Variants in TARBP1 observed in about 807,000 individuals in gnomAD.
TARBP1 encodes tRNA guanosine 2 -O-methyltransferase TARBP1.
In TARBP1, 144 loss-of-function variants were observed where a neutral mutation model predicts 178.6. The ratio of observed to expected loss-of-function variants is 0.81; its 90% CI spans 0.70 to 0.93. TARBP1 has a LOEUF of 0.93. TARBP1 is among the 40% of genes least tolerant of loss of function. The probability of loss-of-function intolerance (pLI) is 0.00; values close to 1 mark genes in which losing one functional copy is unlikely to be tolerated. For synonymous variants in TARBP1, 787 were observed against 781.0 expected (o/e 1.01, Z -0.13); for missense variants, 2,067 against 2,011.7 (o/e 1.03, Z -0.53).
intron 2 of TARBP1, 87 bp downstream of exon 2, chr1:234,472,627 G>T: frequency 1.2e-6 from 1 of 843,954 alleles, no homozygotes; most frequent in Non-Finnish European, 1.8e-6. Flanking sequence ...ATCTGAGTTA[G>T]TCTCTTTGTA....
At chr1:234,427,923 G>C (rs1204466266) in intron 17 of TARBP1, among the ~76,000 whole-genome samples, 157 bp from the exon 18 acceptor site, 1 of 152,192 alleles carries the variant, frequency 6.6e-6, no homozygotes, top group African/African-American at 2.4e-5. Context: ...TCAATAATCA[G>C]AGAATGCTAT....
At chr1:234,396,820 A>G (rs1464184204) in intron 26 of TARBP1, among the ~76,000 whole-genome samples, 2 of 152,050 alleles carry the variant, frequency 1.3e-5, no homozygotes, top group South Asian at 2.1e-4. Context: ...AATTTTCAAC[A>G]AGTCACATGT....
chr1:234,468,218 C>T (rs966591532), intron 3 of TARBP1, among the ~76,000 whole-genome samples: 2 of 151,802 alleles, frequency 1.3e-5, no homozygotes, highest in African/African-American at 2.4e-5. Flanking sequence ...TTTGGGAGGC[C>T]GAGGCAGATG....
chr1:234,412,359 T>G (rs113954135), intron 22 of TARBP1, among the ~76,000 whole-genome samples: 1 of 147,050 alleles, frequency 6.8e-6, no homozygotes, highest in Admixed American at 6.8e-5. Context: ...GAGATGGAGG[T>G]TGCAGTGAGC....
At position 234,478,502 on chromosome 1, in the gene TARBP1, T is replaced by G. The variant is rs868701202; in HGVS notation, c.602A>C (p.Gln201Pro). The change falls in exon 1 of 30, where the codon CAA becomes CCA. Residue 201 changes from glutamine (Q) to proline (P), a missense_variant. By Grantham distance (76) the Gln-to-Pro change is moderately conservative. Coordinates refer to ENST00000040877, the MANE Select transcript of TARBP1 (RefSeq NM_005646.4). The part of the protein sequence containing the change: ...VAGRLLPVLV[Q>P]CGGAALRAVW... The stretch of plus-strand genomic sequence containing the variant: ...GGCCCGCAGCGCCGCCCCGCCACAT[T>G]GGACCAGCACTGGCAGCAGTCGCCC... The G allele has an allele frequency of 7.2e-7, 1 of 1,393,766 alleles. No individual in the cohort carries two copies. Among genetic ancestry groups the G allele is most frequent in the East Asian group, 3.4e-5 (1 of 29,792 alleles). 86.3% of individuals were successfully genotyped at this position (1,393,766 alleles called of 1,614,324 possible).
At chr1:234,398,318 C>T (rs1660344098) in intron 26 of TARBP1, 64 bp downstream of exon 26, 7 of 1,425,356 alleles carry the variant, frequency 4.9e-6, no homozygotes, top group Non-Finnish European at 6.6e-6. Flanking sequence ...TCCTTAGTAA[C>T]TTAAATCAAA....
At chr1:234,445,777 G>A (rs1257769414) in intron 12 of TARBP1, among the ~76,000 whole-genome samples, 1 of 152,144 alleles carries the variant, frequency 6.6e-6, no homozygotes, top group Non-Finnish European at 1.5e-5. Context: ...TGAGCACACA[G>A]GTGTTTAATT....
intron 6 of TARBP1, among the ~76,000 whole-genome samples, chr1:234,460,705 G>A (rs1213527730): frequency 6.6e-6 from 1 of 152,160 alleles, no homozygotes; most frequent in South Asian, 2.1e-4. Context: ...ATATATCCAA[G>A]AGAATCAAAG....
At chr1:234,460,662 G>A (rs139037671) in intron 6 of TARBP1, among the ~76,000 whole-genome samples, 64 of 152,238 alleles carry the variant, frequency 4.2e-4, no homozygotes, top group African/African-American at 1.3e-3. Flanking sequence ...AAACTTAGAC[G>A]GACCACATGA....
intron 1 of TARBP1, among the ~76,000 whole-genome samples, chr1:234,473,187 C>G (rs1396510156): frequency 4.6e-5 from 7 of 152,156 alleles, no homozygotes; most frequent in Non-Finnish European, 1.0e-4. Flanking sequence ...CAAGTTGACT[C>G]AAGTCATGAG....
At chr1:234,419,347 T>C (rs1391514753) in intron 21 of TARBP1, among the ~76,000 whole-genome samples, 1 of 152,206 alleles carries the variant, frequency 6.6e-6, no homozygotes, top group African/African-American at 2.4e-5. Context: ...ATACATTTTG[T>C]AGTTAGGCTT....
At position 234,446,917 on chromosome 1, in the gene TARBP1, G is replaced by A. The variant is rs1233882654; in HGVS notation, c.2020C>T (p.Leu674Phe). 1 of 1,613,936 alleles carries A rather than the reference G, an allele frequency of 6.2e-7. No individual in the cohort carries two copies. ...RIFLDPLLDV[L>F]MKFSTNAYMP... ...TAGGCATTGGTACTAAACTTCATAA[G>A]CACATCCAGAAGAGGGTCTAAGAAT... The change falls in exon 12 of 30, where the codon CTT becomes TTT. Residue 674 changes from leucine (L) to phenylalanine (F), a missense_variant. Transcript: ENST00000040877.
chr1:234,458,020 AC>A (rs1244212243), intron 8 of TARBP1, among the ~76,000 whole-genome samples: 1 of 150,392 alleles, frequency 6.6e-6, no homozygotes, highest in African/African-American at 2.4e-5. Flanking sequence ...AAAAAAAAAA[AC>A]ACCATTCTAT....
Position 234,476,034 on chromosome 1 carries a change from A to G in TARBP1, c.931+2139T>C, listed in dbSNP as rs1242334370. Among the ~76,000 whole-genome samples the G allele has an allele frequency of 2.0e-5, 3 of 148,098 alleles. No homozygotes were observed. The East Asian group carries it at 6.7e-4, about 33-fold the overall frequency. ...GTTATTATAGTAAGACATAAAAAAA[A>G]GCGACTCCATAGCCAAACACTACAA... On this transcript the variant is annotated intron_variant, in intron 1 of 29. Transcript: ENST00000040877.
At position 234,392,815 on chromosome 1, in the gene TARBP1, A is replaced by G. The variant is rs375070168; in HGVS notation, c.4561-263T>C. The G allele has an allele frequency of 3.3e-4, 66 of 199,290 alleles. No individual in the cohort carries two copies. In the East Asian group the frequency reaches 6.2e-3, roughly 19 times the overall value. 12.3% of individuals were successfully genotyped at this position (199,290 alleles called of 1,614,324 possible). On this transcript the variant is annotated intron_variant, in intron 28 of 29. Transcript: ENST00000040877. ...AAGCTCCGCCTCCCGGGTTCACGCC[A>G]TTCTCCTGCCTCAGCATCCCAAGTA...
chr1:234,451,487 C>A lies in TARBP1; in HGVS notation c.1723-921G>T, dbSNP rs1461602460. Among the ~76,000 whole-genome samples, 8 of 34,414 alleles carry A rather than the reference C, an allele frequency of 2.3e-4. 2 individuals are homozygous for A. Among genetic ancestry groups the A allele is most frequent in the African/African-American group, 9.1e-4 (3 of 3,310 alleles). The allele number at this position is 34,414 out of a possible 152,430, so 22.6% of individuals were successfully genotyped here. A position where few individuals can be genotyped will look rare whatever the true frequency, so the allele number is the denominator to read the frequency against. On this transcript the variant is annotated intron_variant, in intron 9 of 29. Transcript: ENST00000040877. Reference sequence around the variant, plus strand: ...AATGGGCCGGGCGCGGTGGCTCACGCCTGTAATCCCAGCACTTTGGGAGGC... The same window carrying A: ...AATGGGCCGGGCGCGGTGGCTCACGACTGTAATCCCAGCACTTTGGGAGGC...
intron 26 of TARBP1, among the ~76,000 whole-genome samples, chr1:234,395,054 T>A (rs1659785368): frequency 6.6e-6 from 1 of 150,480 alleles, no homozygotes; most frequent in African/African-American, 2.5e-5. Flanking sequence ...CGAAACCCCA[T>A]CTCTACTAAA....
Position 234,429,131 on chromosome 1 carries a change from G to C in TARBP1, c.3060+5C>G. On this transcript the variant is annotated splice_donor_5th_base_variant and intron_variant, in intron 17 of 29. Coordinates refer to ENST00000040877, the MANE Select transcript of TARBP1 (RefSeq NM_005646.4). Reference sequence around the variant, plus strand: ...GAAAAGCAAAAAGAAAAGAAAGTTAGTTACCTCTTTTATTTTGAAATATGC... The same window carrying C: ...GAAAAGCAAAAAGAAAAGAAAGTTACTTACCTCTTTTATTTTGAAATATGC... The C allele has an allele frequency of 1.3e-6, 2 of 1,558,732 alleles. No individual in the cohort carries two copies. The highest frequency in any genetic ancestry group is 1.7e-6 in the Non-Finnish European group (2 of 1,161,426).
chr1:234,425,634 T>A (rs776358828), intron 20 of TARBP1, 39 bp downstream of exon 20: 1 of 1,589,638 alleles, frequency 6.3e-7, no homozygotes, highest in East Asian at 2.2e-5. Context: ...GACCTCTGAC[T>A]GTTAAAAACA....
Sources: gnomAD v4.1 joint callset for allele counts (sites outside exome capture counted in the v4.1 genomes callset) on GRCh38, gnomAD v4.1.1 for gene constraint, MANE v1.5 for transcripts, NCBI Gene and HGNC (gene_info 2026-07-23, HGNC 2026-07-21) for gene names.